The following CCDC33 variants were observed in gnomAD, a reference collection of about 807,000 sequenced individuals.
The protein encoded by CCDC33 is coiled-coil domain containing 33.
Under a neutral mutation model 91.9 loss-of-function variants are expected in CCDC33, and 94 were observed. The ratio of observed to expected loss-of-function variants is 1.02; its 90% CI spans 0.87 to 1.21. The LOEUF is 1.21. Among genes scored for constraint, CCDC33 ranks in the 50% most tolerant of loss-of-function variants. The probability of loss-of-function intolerance (pLI) is 0.00; values close to 1 mark genes in which losing one functional copy is unlikely to be tolerated. For missense variants in CCDC33, 940 were observed against 935.5 expected, an observed-to-expected ratio of 1.00 and a Z score of -0.06; for synonymous variants, 396 against 374.5, an observed-to-expected ratio of 1.06 and a Z score of -0.66.
intron 2 of CCDC33, among the ~76,000 whole-genome samples, chr15:74,227,332 TC>T (rs551457096): frequency 6.6e-6 from 1 of 152,200 alleles, no homozygotes; most frequent in Non-Finnish European, 1.5e-5. Flanking sequence ...TGCAAGCTGT[TC>T]CTTAGCCCAT....
At chr15:74,309,964 A>G (rs2059960846) in intron 11 of CCDC33, among the ~76,000 whole-genome samples, 2 of 151,910 alleles carry the variant, frequency 1.3e-5, no homozygotes, top group African/African-American at 4.8e-5. Flanking sequence ...CCTAGGTAAC[A>G]TAGCGAGATG....
At chr15:74,234,915 G>A (rs2075099170), upstream of CCDC33, among the ~76,000 whole-genome samples, 1 of 152,236 alleles carries the variant, frequency 6.6e-6, no homozygotes, top group Admixed American at 6.5e-5. Flanking sequence ...CACCTGGCTT[G>A]CATCTTCAGT....
At chr15:74,267,493 C>CCTCCGGGCCAG (rs2076198415) in intron 4 of CCDC33, among the ~76,000 whole-genome samples, 4 of 151,438 alleles carry the variant, frequency 2.6e-5, no homozygotes, top group Middle Eastern at 3.4e-3. Context: ...TGTCCTCCCT[C>CCTCCGGGCCAG]CTAGTGCTGA....
intron 11 of CCDC33, among the ~76,000 whole-genome samples, chr15:74,328,055 G>A (rs2060346913): frequency 6.6e-6 from 1 of 152,222 alleles, no homozygotes; most frequent in Admixed American, 6.5e-5. Flanking sequence ...AACCCATTTG[G>A]ATGCTGCTGT....
chr15:74,221,966 C>A (rs968780436), intron 2 of CCDC33, among the ~76,000 whole-genome samples: 1 of 152,138 alleles, frequency 6.6e-6, no homozygotes, highest in Admixed American at 6.5e-5. Context: ...TTCATCAGAC[C>A]AGATGAGGGT....
intron 11 of CCDC33, among the ~76,000 whole-genome samples, chr15:74,304,694 G>T (rs2059858786): frequency 2.0e-5 from 3 of 152,062 alleles, no homozygotes. Context: ...CCAGCCCCCA[G>T]CCCTGGAGCT....
In CCDC33 at chr15:74,280,689, C is replaced by T. The variant is rs758671441; in HGVS notation, c.911C>T (p.Thr304Ile). 3.3e-6 allele frequency: 5 copies of T among 1,522,900 alleles called. No individual in the cohort carries two copies. Among genetic ancestry groups the T allele is most frequent in the Non-Finnish European group, 3.5e-6 (4 of 1,134,482 alleles). 94.3% of individuals were successfully genotyped at this position (1,522,900 alleles called of 1,614,324 possible). Residue 304 changes from threonine (T) to isoleucine (I), a missense_variant, in exon 9 of 19, where the codon ACC becomes ATC. Physicochemically the swap from Thr to Ile is moderately conservative, Grantham distance 89. Transcript: ENST00000398814. ...STSMKGSQPW[T>I]LNQPLGISVL... ...ACAGTGAAAGGCAGCCAGCCGTGGA[C>T]CCTCAACCAGCCCCTGGGCATCTCT... is the stretch of plus-strand genomic sequence containing the variant.
upstream of CCDC33, among the ~76,000 whole-genome samples, chr15:74,233,015 G>T (rs138467095): frequency 6.6e-6 from 1 of 152,108 alleles, no homozygotes; most frequent in African/African-American, 2.4e-5. Flanking sequence ...GCCCATGGCC[G>T]CACCTTTCTC....
chr15:74,212,270 A>C (rs2074375074), upstream of CCDC33: 4 of 152,494 alleles, frequency 2.6e-5, no homozygotes, highest in South Asian at 8.3e-4. Context: ...GGGCACATGA[A>C]GACAAAGGTC....
intron 2 of CCDC33, among the ~76,000 whole-genome samples, chr15:74,255,132 C>T (rs1044820564): frequency 6.6e-5 from 1 of 15,170 alleles, no homozygotes; most frequent in African/African-American, 1.1e-4. Flanking sequence ...GGATCCAGCC[C>T]TCTCCTGAGC....
intron 2 of CCDC33, among the ~76,000 whole-genome samples, chr15:74,230,129 G>A (rs1054994643): frequency 3.3e-5 from 5 of 152,252 alleles, no homozygotes; most frequent in East Asian, 3.8e-4. Context: ...GAGTGTGGGT[G>A]TGAGGGCCTG....
At chr15:74,211,047 T>C (rs1377232599) in intron 2 of CCDC33, among the ~76,000 whole-genome samples, 1 of 151,842 alleles carries the variant, frequency 6.6e-6, no homozygotes, top group African/African-American at 2.4e-5. Flanking sequence ...CTCCAACACA[T>C]CCAAAAGAAA....
rs749487025 is a variant in CCDC33 at position 74,334,958 on chromosome 15, CCT to C, written c.2026-12_2026-11del. 5.6e-6 allele frequency: 9 copies of C among 1,593,138 alleles called. No individual in the cohort carries two copies. Among genetic ancestry groups the C allele is most frequent in the Middle Eastern group, 3.3e-4 (2 of 6,028 alleles). On this transcript the variant is annotated splice_polypyrimidine_tract_variant and intron_variant, in intron 17 of 18. Coordinates refer to ENST00000398814, the MANE Select transcript of CCDC33 (RefSeq NM_025055.5). ...TGCTGCCCATGGTCCTCCAATTGTCCCTCTCTGTGTCTGCAGTTAGAGGACTC... is the reference window on the plus strand; with the variant it reads ...TGCTGCCCATGGTCCTCCAATTGTCCCTCTGTGTCTGCAGTTAGAGGACTC...
chr15:74,260,975 TG>T (rs1566977498), intron 2 of CCDC33, among the ~76,000 whole-genome samples: 1 of 152,230 alleles, frequency 6.6e-6, no homozygotes, highest in African/African-American at 2.4e-5. Flanking sequence ...CCCTGCAGGC[TG>T]GGCACCGTTA....
At chr15:74,234,375 C>T (rs80188891), upstream of CCDC33, among the ~76,000 whole-genome samples, 609 of 152,310 alleles carry the variant, frequency 4.0e-3, 4 homozygotes, top group African/African-American at 0.012. Context: ...ATTTGAGGAG[C>T]AAGCCCACTT....
At chr15:74,234,777 C>T (rs2075093906), upstream of CCDC33, among the ~76,000 whole-genome samples, 1 of 152,224 alleles carries the variant, frequency 6.6e-6, no homozygotes, top group Non-Finnish European at 1.5e-5. Context: ...GGCAGAGCTG[C>T]AGGGCAGGGC....
chr15:74,235,523 C>G (rs1015483188), upstream of CCDC33, among the ~76,000 whole-genome samples: 35 of 152,272 alleles, frequency 2.3e-4, no homozygotes, highest in Admixed American at 2.2e-3. Context: ...GCCCAGTACC[C>G]CAAATCCCTC....
In CCDC33 at chr15:74,266,782, G is replaced by C; in HGVS notation, c.424G>C (p.Val142Leu). The C allele has an allele frequency of 6.2e-7, 1 of 1,612,188 alleles. No homozygotes were observed. The highest frequency in any genetic ancestry group is 8.5e-7 in the Non-Finnish European group (1 of 1,178,236). ...RVFHPYHFEL[V>L]KPTESGKADE... ...CTTCCACCCCTACCACTTTGAGCTGGTGAAGGTGAGTCAGAGGCCTGGGGA... is the reference window on the plus strand; with the variant it reads ...CTTCCACCCCTACCACTTTGAGCTGCTGAAGGTGAGTCAGAGGCCTGGGGA... Residue 142 changes from valine to leucine, a missense_variant, in exon 4 of 19, where the codon GTG becomes CTG. Coordinates refer to ENST00000398814, the MANE Select transcript of CCDC33 (RefSeq NM_025055.5).
At chr15:74,243,872 G>T in intron 1 of CCDC33, 113 bp from the exon 2 acceptor site, 2 of 1,153,442 alleles carry the variant, frequency 1.7e-6, no homozygotes, top group South Asian at 2.7e-5. Flanking sequence ...TTGAACCTGG[G>T]AGGTAGAGGC....
Sources: gnomAD v4.1 joint callset for allele counts (sites outside exome capture counted in the v4.1 genomes callset) on GRCh38, gnomAD v4.1.1 for gene constraint, MANE v1.5 for transcripts, NCBI Gene and HGNC (gene_info 2026-07-23, HGNC 2026-07-21) for gene names.